The following FSTL4 variants were observed in gnomAD, a reference collection of about 807,000 sequenced individuals.
FSTL4 encodes follistatin-related protein 4.
A neutral mutation model predicts 78.2 loss-of-function variants in FSTL4; 28 were observed. The ratio of observed to expected loss-of-function variants is 0.36; its 90% CI spans 0.27 to 0.49. FSTL4 has a LOEUF of 0.49. FSTL4 is among the 20% of genes least tolerant of loss of function. The pLI, the probability that FSTL4 is intolerant of heterozygous loss-of-function variation, is 0.98. For synonymous variants in FSTL4, 422 were observed against 440.5 expected, an observed-to-expected ratio of 0.96 and a Z score of 0.53; for missense variants, 922 against 1,084.9, an observed-to-expected ratio of 0.85 and a Z score of 2.11.
At chr5:133,341,670 G>T (rs552058693) in intron 4 of FSTL4, among the ~76,000 whole-genome samples, 1 of 152,024 alleles carries the variant, frequency 6.6e-6, no homozygotes, top group African/African-American at 2.4e-5. Flanking sequence ...TCCAGCCCCC[G>T]CTCTCTGCTT....
chr5:133,399,083 T>C (rs1417900767), intron 4 of FSTL4, among the ~76,000 whole-genome samples: 1 of 152,116 alleles, frequency 6.6e-6, no homozygotes, highest in Non-Finnish European at 1.5e-5. Flanking sequence ...GAAATGTTGT[T>C]TGAATAACCA....
the FSTL4 span, among the ~76,000 whole-genome samples, chr5:133,731,576 A>C: frequency 6.6e-6 from 1 of 152,340 alleles, no homozygotes; most frequent in East Asian, 1.9e-4. Flanking sequence ...ACACATATGC[A>C]GGAAAAAGAC....
At chr5:133,439,311 T>C (rs575831698) in intron 3 of FSTL4, among the ~76,000 whole-genome samples, 2 of 152,360 alleles carry the variant, frequency 1.3e-5, no homozygotes, top group East Asian at 1.9e-4. Context: ...ACATTCTTTT[T>C]AGAAGCCTTT....
intron 3 of FSTL4, among the ~76,000 whole-genome samples, chr5:133,486,729 C>G (rs901068127): frequency 6.6e-6 from 1 of 152,122 alleles, no homozygotes; most frequent in Non-Finnish European, 1.5e-5. Flanking sequence ...AAGTGATGGT[C>G]TCACAGGGGT....
chr5:133,276,396 C>T (rs1752885476), intron 6 of FSTL4, among the ~76,000 whole-genome samples: 1 of 152,230 alleles, frequency 6.6e-6, no homozygotes, highest in African/African-American at 2.4e-5. Flanking sequence ...CCTGGCCTCC[C>T]TCCTGGCTGC....
chr5:133,239,306 C>T (rs1246079068), intron 7 of FSTL4, among the ~76,000 whole-genome samples: 6 of 150,222 alleles, frequency 4.0e-5, no homozygotes, highest in African/African-American at 7.3e-5. Context: ...TGCTCCAGGG[C>T]GCCCAGTCCC....
the FSTL4 span, among the ~76,000 whole-genome samples, chr5:133,668,597 G>A: frequency 2.6e-5 from 4 of 152,318 alleles, no homozygotes; most frequent in Middle Eastern, 3.4e-3. Flanking sequence ...GGCCAGCCTT[G>A]TGCTAGACCT....
chr5:133,648,503 G>C, the FSTL4 span, among the ~76,000 whole-genome samples: 2 of 152,040 alleles, frequency 1.3e-5, no homozygotes, highest in Admixed American at 6.6e-5. Flanking sequence ...AGCAAGAGGG[G>C]GTCACATAGC....
At chr5:133,614,549 C>G (rs112889295), upstream of FSTL4, among the ~76,000 whole-genome samples, 5 of 152,176 alleles carry the variant, frequency 3.3e-5, no homozygotes, top group African/African-American at 1.2e-4. Flanking sequence ...AGGGAAGCAG[C>G]ATCAGATGCC....
chr5:133,425,205 T>C (rs746320496), intron 3 of FSTL4, among the ~76,000 whole-genome samples: 8 of 150,268 alleles, frequency 5.3e-5, no homozygotes, highest in Non-Finnish European at 7.4e-5. Flanking sequence ...CTTTTTAACA[T>C]TAAGATTTCT....
chr5:133,287,595 C>T (rs929749204), intron 6 of FSTL4, among the ~76,000 whole-genome samples: 1 of 152,110 alleles, frequency 6.6e-6, no homozygotes, highest in Non-Finnish European at 1.5e-5. Flanking sequence ...CCAGCTCAGC[C>T]CTGGATCTGC....
the FSTL4 span, among the ~76,000 whole-genome samples, chr5:133,644,400 C>T: frequency 3.3e-5 from 5 of 152,006 alleles, no homozygotes; most frequent in South Asian, 8.3e-4. Flanking sequence ...GATTCCTCTG[C>T]CTGGTCCTTG....
intron 2 of FSTL4, 83 bp downstream of exon 2, chr5:133,603,774 AC>A: frequency 6.8e-7 from 1 of 1,464,180 alleles, no homozygotes. Context: ...ACTGATCTAA[AC>A]TAAAGGTGGA....
At chr5:133,825,709 C>T in the FSTL4 span, among the ~76,000 whole-genome samples, 21 of 152,330 alleles carry the variant, frequency 1.4e-4, no homozygotes, top group African/African-American at 4.8e-4. Flanking sequence ...TGAGTGCCCT[C>T]GGTCTGGACT....
the FSTL4 span, among the ~76,000 whole-genome samples, chr5:133,755,247 G>C: frequency 1.3e-5 from 2 of 152,168 alleles, no homozygotes; most frequent in Non-Finnish European, 2.9e-5. Context: ...AAGGGATGCA[G>C]CTGTGAGCTG....
chr5:133,227,150 G>A (rs1376110962), intron 8 of FSTL4, among the ~76,000 whole-genome samples: 1 of 152,202 alleles, frequency 6.6e-6, no homozygotes, highest in Non-Finnish European at 1.5e-5. Context: ...TCAATAACAT[G>A]AGCTCAGGGC....
intron 3 of FSTL4, among the ~76,000 whole-genome samples, chr5:133,445,673 C>G (rs1432702098): frequency 1.3e-5 from 2 of 152,186 alleles, no homozygotes; most frequent in Admixed American, 1.3e-4. Context: ...GGGAGTATGC[C>G]AGGAGGGGCT....
chr5:133,364,021 G>T (rs757834620), intron 4 of FSTL4, among the ~76,000 whole-genome samples: 1 of 152,056 alleles, frequency 6.6e-6, no homozygotes, highest in Non-Finnish European at 1.5e-5. Flanking sequence ...CCCACCTCTG[G>T]GCCCTGAATG....
the FSTL4 span, among the ~76,000 whole-genome samples, chr5:133,840,978 G>A: frequency 6.6e-6 from 1 of 152,230 alleles, no homozygotes; most frequent in Non-Finnish European, 1.5e-5. Context: ...GAAGGGGATG[G>A]AGACCTCCTC....
Sources: gnomAD v4.1 joint callset for allele counts (sites outside exome capture counted in the v4.1 genomes callset) on GRCh38, gnomAD v4.1.1 for gene constraint, MANE v1.5 for transcripts, NCBI Gene and HGNC (gene_info 2026-07-23, HGNC 2026-07-21) for gene names.